NCOR1: variants seen among roughly 807,000 people sequenced by gnomAD.
NCOR1 encodes the protein protein phosphatase 1, regulatory subunit 109.
NCOR1 carries 63 observed loss-of-function variants against 288.1 expected under a neutral mutation model. The ratio of observed to expected loss-of-function variants is 0.22; its 90% CI spans 0.18 to 0.27. NCOR1 has a LOEUF of 0.27. Among genes scored for constraint, NCOR1 ranks in the 10% least tolerant of loss-of-function variants. The pLI, the probability that NCOR1 is intolerant of heterozygous loss-of-function variation, is 1.00. For synonymous variants in NCOR1, 1,007 were observed against 1,065.9 expected, an observed-to-expected ratio of 0.94 and a Z score of 1.08; for missense variants, 2,397 against 3,019.2, an observed-to-expected ratio of 0.79 and a Z score of 4.83.
At chr17:16,161,933 T>C (rs1279057992) in intron 5 of NCOR1, among the ~76,000 whole-genome samples, 1 of 152,114 alleles carries the variant, frequency 6.6e-6, no homozygotes, top group East Asian at 1.9e-4. Context: ...TCATGTGATT[T>C]AGTTGGTGTT....
intron 3 of NCOR1, among the ~76,000 whole-genome samples, chr17:16,179,391 A>C (rs2084914506): frequency 6.6e-6 from 1 of 152,180 alleles, no homozygotes; most frequent in South Asian, 2.1e-4. Flanking sequence ...ATTCCTAGAA[A>C]AACACAACCT....
At position 16,064,148 on chromosome 17, in the gene NCOR1, C is replaced by A. The variant is rs1412743309; in HGVS notation, c.5141G>T (p.Arg1714Met). 2 of 1,614,158 alleles carry A rather than the reference C, an allele frequency of 1.2e-6. No homozygotes were observed. Among genetic ancestry groups the A allele is most frequent in the South Asian group, 2.2e-5 (2 of 91,076 alleles). ...THLAAAASAEREREREREKER... is the reference protein window; with the variant it reads ...THLAAAASAEMEREREREKER... ...CTTCTCCCGCTCCCGTTCCCGTTCC[C>A]TCTCAGCACTTGCAGCAGCTGCAAG... The change falls in exon 35 of 46, where the codon AGG (arginine) becomes ATG (methionine). Residue 1714 changes from arginine (R) to methionine (M), a missense_variant. Arg to Met is a moderately conservative substitution (Grantham distance 91). Coordinates refer to ENST00000268712, the MANE Select transcript of NCOR1 (RefSeq NM_006311.4).
intron 35 of NCOR1, among the ~76,000 whole-genome samples, chr17:16,062,564 C>T (rs1266895781): frequency 6.6e-6 from 1 of 152,136 alleles, no homozygotes; most frequent in Non-Finnish European, 1.5e-5. Flanking sequence ...AAAACAGCAC[C>T]AACAAGAAGT....
intron 22 of NCOR1, among the ~76,000 whole-genome samples, chr17:16,088,592 TATC>T (rs1029945828): frequency 1.2e-4 from 18 of 152,212 alleles, no homozygotes; most frequent in Admixed American, 1.1e-3. Context: ...CTTACTACAC[TATC>T]TTTTGTAAGG....
At chr17:16,209,542 C>G (rs1196612623) in intron 1 of NCOR1, among the ~76,000 whole-genome samples, 3 of 150,702 alleles carry the variant, frequency 2.0e-5, no homozygotes, top group Non-Finnish European at 1.5e-5. Context: ...GCAAAACAAT[C>G]AGACCCCATC....
intron 19 of NCOR1, among the ~76,000 whole-genome samples, chr17:16,105,987 C>A (rs1004569922): frequency 7.9e-5 from 12 of 152,110 alleles, no homozygotes; most frequent in Non-Finnish European, 4.4e-5. Flanking sequence ...ATAATCCCAG[C>A]TACTCGGGAG....
At chr17:16,062,080 G>A (rs1265740090) in intron 36 of NCOR1, 25 bp downstream of exon 36, 2 of 1,603,264 alleles carry the variant, frequency 1.2e-6, no homozygotes, top group Non-Finnish European at 1.7e-6. Flanking sequence ...GACATTTTTT[G>A]TCAAAATATG....
chr17:16,125,718 A>C lies in NCOR1; in HGVS notation c.1634+364T>G, dbSNP rs192398307. On this transcript the variant is annotated intron_variant, in intron 15 of 45. Transcript: ENST00000268712. ...CGCCATCACAAAAAAAAAAAAAAAA[A>C]AAAACTATACTTTTGCAGCAACATG... 7.2e-4 allele frequency among the ~76,000 whole-genome samples: 109 copies of C among 151,968 alleles called. 1 individual carries two copies. The East Asian group carries it at 0.018, about 26-fold the overall frequency.
At chr17:16,067,848 G>A (rs777720419) in intron 32 of NCOR1, 46 bp downstream of exon 32, 13 of 1,516,306 alleles carry the variant, frequency 8.6e-6, no homozygotes, top group Non-Finnish European at 1.2e-5. Context: ...AGTCATACTG[G>A]TGGCATATTT....
rs747088425 is a variant in NCOR1, at chr17:16,199,211, A to AC, written c.-70-4573_-70-4572insG. The stretch of plus-strand genomic sequence containing the variant: ...ATCCGCCCAATACAGAAGGAAAAAA[A>AC]AAAAAACACACACACACACACACAC... On this transcript the variant is annotated intron_variant, in intron 1 of 45. Transcript: ENST00000268712. Among the ~76,000 whole-genome samples the AC allele has an allele frequency of 7.8e-3, 866 of 110,856 alleles. 4 individuals are homozygous for AC. Among genetic ancestry groups the AC allele is most frequent in the African/African-American group, 9.8e-3 (279 of 28,448 alleles). The allele number at this position is 110,856 out of a possible 152,430, so 72.7% of individuals were successfully genotyped here.
chr17:16,159,974 C>T (rs901330213), intron 5 of NCOR1, among the ~76,000 whole-genome samples: 26 of 151,924 alleles, frequency 1.7e-4, no homozygotes, highest in Admixed American at 1.7e-3. Flanking sequence ...GGATTACAGG[C>T]GGCCACCACC....
chr17:16,117,850 A>C, intron 18 of NCOR1, 38 bp downstream of exon 18: 1 of 1,594,950 alleles, frequency 6.3e-7, no homozygotes, highest in Non-Finnish European at 8.5e-7. Context: ...TCTAAGTAAA[A>C]AACAGTAAGT....
In NCOR1 at chr17:16,163,108, G is replaced by A. The variant is rs927649611; in HGVS notation, c.618+1871C>T. On this transcript the variant is annotated intron_variant, in intron 5 of 45. Coordinates refer to ENST00000268712, the MANE Select transcript of NCOR1 (RefSeq NM_006311.4). ...AACACAGGTATAAATCTGTGACCGCGAATTAGGCAATGGGTCTTAGATAAA... is the reference window on the plus strand; with the variant it reads ...AACACAGGTATAAATCTGTGACCGCAAATTAGGCAATGGGTCTTAGATAAA... Among the ~76,000 whole-genome samples, 8 of 152,144 alleles carry A rather than the reference G, an allele frequency of 5.3e-5. No homozygotes were observed. In the East Asian group the frequency reaches 5.8e-4, roughly 11 times the overall value.
chr17:16,156,513 G>A (rs148721728), intron 6 of NCOR1, among the ~76,000 whole-genome samples: 6 of 149,164 alleles, frequency 4.0e-5, no homozygotes, highest in African/African-American at 1.2e-4. Context: ...GAGGAGGAGG[G>A]GGAGAAAAGA....
intron 3 of NCOR1, among the ~76,000 whole-genome samples, chr17:16,181,211 A>ATGTGTGTG (rs61215793): frequency 0.055 from 7,680 of 139,246 alleles, 295 homozygotes; most frequent in East Asian, 0.13. Context: ...ATATATATGT[A>ATGTGTGTG]TGTGTGTGTG....
intron 15 of NCOR1, among the ~76,000 whole-genome samples, chr17:16,123,904 T>TA (rs2073499909): frequency 6.6e-6 from 1 of 152,202 alleles, no homozygotes; most frequent in African/African-American, 2.4e-5. Flanking sequence ...GTATACATCT[T>TA]ACGTATTTTC....
chr17:16,195,402 C>T (rs752749691), intron 1 of NCOR1, among the ~76,000 whole-genome samples: 9 of 151,490 alleles, frequency 5.9e-5, no homozygotes, highest in African/African-American at 7.3e-5. Flanking sequence ...GCCTGGAAGG[C>T]GGAGGTTGCA....
At chr17:16,193,522 C>T (rs80048351) in intron 2 of NCOR1, among the ~76,000 whole-genome samples, 1 of 152,058 alleles carries the variant, frequency 6.6e-6, no homozygotes, top group Non-Finnish European at 1.5e-5. Flanking sequence ...CATGAGCCAC[C>T]GCGCCCGGCC....
At position 16,135,885 on chromosome 17, in the gene NCOR1, A is replaced by G. The variant is rs936437752; in HGVS notation, c.1509+1426T>C. 2.6e-5 allele frequency among the ~76,000 whole-genome samples: 4 copies of G among 152,194 alleles called. No individual in the cohort carries two copies. The East Asian group carries it at 7.7e-4, about 29-fold the overall frequency. ...AGAAAGGGAGTAAGACCCCACCCCA[A>G]CAAAAGGGTGGCTGAGTGGGAAAAC... On this transcript the variant is annotated intron_variant, in intron 14 of 45. Transcript: ENST00000268712.
Sources: allele counts gnomAD v4.1 joint callset (sites outside exome capture counted in the v4.1 genomes callset), GRCh38; gene constraint gnomAD v4.1.1; transcripts MANE v1.5; gene names NCBI Gene and HGNC (gene_info 2026-07-23, HGNC 2026-07-21).